The following NUB1 variants were observed in gnomAD, a reference collection of about 807,000 sequenced individuals.
The protein encoded by NUB1 is NEDD8 ultimate buster 1.
NUB1 carries 41 observed loss-of-function variants against 77.1 expected under a neutral mutation model. That is an observed-to-expected ratio of 0.53 (90% CI 0.41 to 0.69). The LOEUF (loss-of-function observed/expected upper bound fraction) is 0.69, where lower values mean the gene tolerates loss of function less well. NUB1 is among the 30% of genes least tolerant of loss of function. The pLI is 0.00. For synonymous variants in NUB1, 257 were observed against 281.0 expected (o/e 0.91, Z 0.85); for missense variants, 643 against 743.8 (o/e 0.86, Z 1.58).
chr7:151,373,038 T>C (rs1279013061), intron 11 of NUB1, among the ~76,000 whole-genome samples: 1 of 152,158 alleles, frequency 6.6e-6, no homozygotes, highest in Non-Finnish European at 1.5e-5. Flanking sequence ...GGTTCCACAA[T>C]GATGATGCTT....
chr7:151,343,170 C>T (rs377557218), intron 1 of NUB1, among the ~76,000 whole-genome samples: 74 of 152,284 alleles, frequency 4.9e-4, no homozygotes, highest in Non-Finnish European at 9.1e-4. Flanking sequence ...GCTCTAAGTA[C>T]TAATATGCTT....
chr7:151,355,043 TG>T (rs201141302), intron 5 of NUB1, among the ~76,000 whole-genome samples: 5,846 of 152,334 alleles, frequency 0.038, 161 homozygotes, highest in South Asian at 0.12. Flanking sequence ...CACGCCCTGC[TG>T]GTCTTTGCTT....
At chr7:151,345,284 A>T in intron 1 of NUB1, 64 bp from the exon 2 acceptor site, 2 of 995,098 alleles carry the variant, frequency 2.0e-6, no homozygotes, top group Non-Finnish European at 3.1e-6. Flanking sequence ...CTTAACATGT[A>T]GGTAAGTTAT....
Position 151,377,301 on chromosome 7 carries a change from T to TTA in NUB1, c.*77_*78insAT. On this transcript the variant is annotated 3_prime_UTR_variant, in exon 15 of 15. Coordinates refer to ENST00000568733, the MANE Select transcript of NUB1 (RefSeq NM_001243351.2). ...GAAAAGGCTAATGCAGCTCTTTCTG[T>TTA]TCTTACTTTTTATCTGAATTACAAG... 1 of 1,056,376 alleles carries TTA rather than the reference T, an allele frequency of 9.5e-7. No homozygotes were observed. The highest frequency in any genetic ancestry group is 3.1e-5 in the Admixed American group (1 of 32,298). The allele number at this position is 1,056,376 out of a possible 1,614,324, so 65.4% of individuals were successfully genotyped here.
chr7:151,353,597 A>G (rs1796923382), intron 5 of NUB1, among the ~76,000 whole-genome samples: 1 of 152,164 alleles, frequency 6.6e-6, no homozygotes, highest in African/African-American at 2.4e-5. Flanking sequence ...GTGTTAGTAC[A>G]TTTCTCCTAA....
intron 4 of NUB1, chr7:151,352,099 C>T (rs2150672361): frequency 2.2e-6 from 1 of 456,650 alleles, no homozygotes; most frequent in Non-Finnish European, 4.4e-6. Flanking sequence ...TCAGGGCTGT[C>T]AGGGGTGGAT....
At chr7:151,359,857 A>T (rs562627594) in intron 7 of NUB1, among the ~76,000 whole-genome samples, 1 of 152,364 alleles carries the variant, frequency 6.6e-6, no homozygotes, top group East Asian at 1.9e-4. Flanking sequence ...ATAGAATATT[A>T]GAAGTAGAAT....
rs1798390781 is a variant in NUB1 at position 151,378,086 on chromosome 7, T to C, written c.*861T>C. ...GGGTTTTCTTTGTTGTTGTTGTTGT[T>C]CTAGCCATGTGACAGAGGCTCTTTC... On this transcript the variant is annotated 3_prime_UTR_variant, in exon 15 of 15. Coordinates refer to ENST00000568733, the MANE Select transcript of NUB1 (RefSeq NM_001243351.2). 6.6e-6 allele frequency: 1 copy of C among 152,234 alleles called. No homozygotes were observed. The highest frequency in any genetic ancestry group is 2.4e-5 in the African/African-American group (1 of 41,452). The allele number at this position is 152,234 out of a possible 1,614,324, so 9.4% of individuals were successfully genotyped here.
intron 8 of NUB1, among the ~76,000 whole-genome samples, chr7:151,364,291 G>A (rs1797534095): frequency 1.3e-5 from 2 of 148,856 alleles, no homozygotes; most frequent in Non-Finnish European, 3.0e-5. Context: ...CATGGTGGCA[G>A]GCGCCTGTAG....
intron 5 of NUB1, among the ~76,000 whole-genome samples, chr7:151,353,733 T>C (rs569466322): frequency 4.6e-4 from 70 of 152,342 alleles, no homozygotes; most frequent in African/African-American, 1.6e-3. Flanking sequence ...AGTTAGCTAC[T>C]GCAGCCATCC....
At chr7:151,374,504 CT>C in intron 12 of NUB1, 4 of 565,614 alleles carry the variant, frequency 7.1e-6, no homozygotes, top group South Asian at 4.3e-5. Flanking sequence ...CAGGCCAGGA[CT>C]TTGTGTAGGG....
intron 5 of NUB1, among the ~76,000 whole-genome samples, chr7:151,354,536 A>G (rs1796969302): frequency 6.6e-6 from 1 of 151,850 alleles, no homozygotes; most frequent in Non-Finnish European, 1.5e-5. Flanking sequence ...GTTTATTTGC[A>G]TCTTTGACAT....
At chr7:151,356,431 A>G (rs1413331202) in intron 7 of NUB1, among the ~76,000 whole-genome samples, 3 of 152,210 alleles carry the variant, frequency 2.0e-5, no homozygotes, top group Non-Finnish European at 4.4e-5. Flanking sequence ...ACAAAATGTC[A>G]TGTCTCACTG....
At chr7:151,374,390 CCAGCCCAGA>C (rs1387513084) in intron 12 of NUB1, 147 bp downstream of exon 12, 1 of 1,076,980 alleles carries the variant, frequency 9.3e-7, no homozygotes, top group Non-Finnish European at 1.4e-6. Flanking sequence ...CTCCTGGGCT[CCAGCCCAGA>C]CACAGGCTGC....
chr7:151,363,749 T>C (rs1315236122), intron 8 of NUB1, among the ~76,000 whole-genome samples: 1 of 145,220 alleles, frequency 6.9e-6, no homozygotes, highest in Non-Finnish European at 1.5e-5. Context: ...CTAACCTTTC[T>C]TGAAAAAAGT....
chr7:151,377,188 A>G lies in NUB1; in HGVS notation c.1811A>G (p.Tyr604Cys). The change falls in exon 15 of 15, where the codon TAT becomes TGT. Residue 604 changes from tyrosine (Y) to cysteine (C), a missense_variant. Tyr to Cys is a radical substitution (Grantham distance 194). Coordinates refer to ENST00000568733, the MANE Select transcript of NUB1 (RefSeq NM_001243351.2). ...ATTATTATTGCAGAGTACCTATCCT[A>G]TGTAGAAAATAGGAAGTCAGCAACA... ...EEIIIAEYLS[Y>C]VENRKSATKK... 2 of 1,566,310 alleles carry G rather than the reference A, an allele frequency of 1.3e-6. No individual in the cohort carries two copies. The highest frequency in any genetic ancestry group is 1.7e-4 in the Middle Eastern group (1 of 5,932).
intron 6 of NUB1, 74 bp downstream of exon 6, chr7:151,356,024 T>C (rs1700558391): frequency 1.3e-6 from 2 of 1,553,954 alleles, no homozygotes; most frequent in Non-Finnish European, 1.8e-6. Flanking sequence ...TGGGGGATCA[T>C]GGCTCTCACT....
chr7:151,372,870 G>A (rs1798025889), intron 11 of NUB1, among the ~76,000 whole-genome samples: 1 of 152,154 alleles, frequency 6.6e-6, no homozygotes, highest in Non-Finnish European at 1.5e-5. Flanking sequence ...AGCTGAAGGG[G>A]AAGCAAAGGG....
chr7:151,375,710 C>A, intron 12 of NUB1, 138 bp from the exon 13 acceptor site: 1 of 628,096 alleles, frequency 1.6e-6, no homozygotes, highest in Non-Finnish European at 3.0e-6. Flanking sequence ...TGAACACCAG[C>A]CTGAGTGGGA....
Sources: allele counts gnomAD v4.1 joint callset (sites outside exome capture counted in the v4.1 genomes callset), GRCh38; gene constraint gnomAD v4.1.1; transcripts MANE v1.5; gene names NCBI Gene and HGNC (gene_info 2026-07-23, HGNC 2026-07-21).